The following AGMO variants were observed in gnomAD, a reference collection of about 807,000 sequenced individuals.
The protein encoded by AGMO is glyceryl-ether monooxygenase.
Under a neutral mutation model 60.2 loss-of-function variants are expected in AGMO, and 75 were observed. The ratio of observed to expected loss-of-function variants is 1.25; its 90% CI spans 1.03 to 1.51. The LOEUF is 1.51. Among genes scored for constraint, AGMO ranks in the 40% most tolerant of loss-of-function variants. AGMO has a pLI of 0.00. For synonymous variants in AGMO, 261 were observed against 177.1 expected (o/e 1.47, Z -3.76); for missense variants, 763 against 525.5 (o/e 1.45, Z -4.42).
At chr7:15,231,929 T>G (rs796264370) in intron 12 of AGMO, among the ~76,000 whole-genome samples, 9 of 152,350 alleles carry the variant, frequency 5.9e-5, no homozygotes, top group African/African-American at 2.2e-4. Flanking sequence ...TATCACAGAT[T>G]GTTAGAAAAA....
chr7:15,344,450 A>G (rs540109797), intron 12 of AGMO, among the ~76,000 whole-genome samples: 26 of 152,308 alleles, frequency 1.7e-4, no homozygotes, highest in Admixed American at 3.9e-4. Context: ...CTGTAATGCC[A>G]GCACTTTGGG....
intron 12 of AGMO, among the ~76,000 whole-genome samples, chr7:15,271,176 T>A (rs1485561243): frequency 6.6e-6 from 1 of 152,174 alleles, no homozygotes; most frequent in Non-Finnish European, 1.5e-5. Context: ...CCATATGAAA[T>A]TTAAAACTGA....
chr7:15,361,040 T>G (rs937321719), intron 12 of AGMO, among the ~76,000 whole-genome samples: 1 of 152,168 alleles, frequency 6.6e-6, no homozygotes, highest in East Asian at 1.9e-4. Context: ...TTTTAAAGAA[T>G]CCTGGTTTCT....
intron 4 of AGMO, among the ~76,000 whole-genome samples, chr7:15,430,620 TG>T (rs199579019): frequency 0.044 from 5,311 of 119,936 alleles, 310 homozygotes; most frequent in African/African-American, 0.15. Context: ...AAAAAACAAC[TG>T]GTTTTTTTTA....
At chr7:15,123,465 A>C in the AGMO span, among the ~76,000 whole-genome samples, 8 of 152,184 alleles carry the variant, frequency 5.3e-5, no homozygotes, top group East Asian at 1.6e-3. Context: ...CGAATGAAAA[A>C]AAAATGAACA....
the AGMO span, among the ~76,000 whole-genome samples, chr7:15,137,834 T>C: frequency 2.3e-4 from 35 of 152,174 alleles, no homozygotes; most frequent in African/African-American, 8.2e-4. Context: ...AGCAGAATCA[T>C]AGGTTAAGGA....
intron 3 of AGMO, among the ~76,000 whole-genome samples, chr7:15,499,382 A>T (rs778947050): frequency 2.0e-5 from 3 of 151,944 alleles, no homozygotes; most frequent in Admixed American, 1.3e-4. Context: ...AAGTTGTAAC[A>T]TACTTCATCA....
chr7:15,296,345 A>G (rs1375080776), intron 12 of AGMO, among the ~76,000 whole-genome samples: 1 of 152,214 alleles, frequency 6.6e-6, no homozygotes, highest in Admixed American at 6.5e-5. Context: ...CTGGGAACAT[A>G]TGAAAGGATG....
chr7:15,319,567 G>T (rs1781042469), intron 12 of AGMO, among the ~76,000 whole-genome samples: 1 of 152,244 alleles, frequency 6.6e-6, no homozygotes, highest in East Asian at 1.9e-4. Flanking sequence ...TGAATTGCTA[G>T]AAATTTTGGC....
At chr7:15,306,074 A>G (rs73284563) in intron 12 of AGMO, among the ~76,000 whole-genome samples, 8,287 of 152,040 alleles carry the variant, frequency 0.055, 775 homozygotes, top group African/African-American at 0.19. Flanking sequence ...GAAAAACTTT[A>G]AAGAATAATT....
chr7:15,274,390 C>G (rs899947719), intron 12 of AGMO, among the ~76,000 whole-genome samples: 1 of 152,092 alleles, frequency 6.6e-6, no homozygotes, highest in Non-Finnish European at 1.5e-5. Flanking sequence ...CGGTTTTTGT[C>G]TTTCGTTCTG....
At chr7:15,548,087 A>T (rs1326817804) in intron 2 of AGMO, among the ~76,000 whole-genome samples, 3 of 152,116 alleles carry the variant, frequency 2.0e-5, no homozygotes, top group Non-Finnish European at 1.5e-5. Context: ...GTATTCCAAC[A>T]GACCTGCAGC....
intron 2 of AGMO, among the ~76,000 whole-genome samples, chr7:15,554,248 G>A (rs982177250): frequency 1.4e-4 from 22 of 151,848 alleles, no homozygotes; most frequent in African/African-American, 5.3e-4. Flanking sequence ...ACATGACTCT[G>A]CACCCTGGAA....
At chr7:15,428,511 G>C (rs1781133013) in intron 4 of AGMO, among the ~76,000 whole-genome samples, 1 of 152,122 alleles carries the variant, frequency 6.6e-6, no homozygotes, top group Middle Eastern at 3.4e-3. Flanking sequence ...TTGCTGCTTT[G>C]TTACTTTGTA....
At chr7:15,536,071 A>C (rs1019751176) in intron 3 of AGMO, among the ~76,000 whole-genome samples, 1 of 151,942 alleles carries the variant, frequency 6.6e-6, no homozygotes, top group African/African-American at 2.4e-5. Flanking sequence ...ACAATATAAA[A>C]AACATGTATT....
chr7:15,354,481 T>C (rs1782430358), intron 12 of AGMO, among the ~76,000 whole-genome samples: 1 of 25,670 alleles, frequency 3.9e-5, no homozygotes, highest in Non-Finnish European at 7.4e-5. Context: ...TACACACGTG[T>C]GTATATACAC....
chr7:15,295,957 C>A (rs577784030), intron 12 of AGMO, among the ~76,000 whole-genome samples: 25 of 152,062 alleles, frequency 1.6e-4, no homozygotes, highest in African/African-American at 5.8e-4. Context: ...GCCTGCAAGA[C>A]CTATAAATAC....
chr7:15,448,769 C>T (rs904389612), intron 3 of AGMO, among the ~76,000 whole-genome samples: 1 of 152,014 alleles, frequency 6.6e-6, no homozygotes, highest in African/African-American at 2.4e-5. Flanking sequence ...AAAATGTGTG[C>T]AGTCAGCTGT....
intron 12 of AGMO, among the ~76,000 whole-genome samples, chr7:15,355,275 G>C (rs1476583817): frequency 6.6e-6 from 1 of 151,960 alleles, no homozygotes. Context: ...GGCCGAGACG[G>C]GCGGATCACA....
Sources: allele counts gnomAD v4.1 joint callset (sites outside exome capture counted in the v4.1 genomes callset), GRCh38; gene constraint gnomAD v4.1.1; transcripts MANE v1.5; gene names NCBI Gene and HGNC (gene_info 2026-07-23, HGNC 2026-07-21).